Variants in DNER observed in about 807,000 individuals in gnomAD.
The protein encoded by DNER is delta and Notch-like epidermal growth factor-related receptor.
A neutral mutation model predicts 78.2 loss-of-function variants in DNER; 33 were observed. The ratio of observed to expected loss-of-function variants is 0.42; its 90% CI spans 0.32 to 0.56. DNER has a LOEUF of 0.56. Ranked by LOEUF, DNER falls within the 20% of genes least tolerant of loss-of-function variation. The pLI, the probability that DNER is intolerant of heterozygous loss-of-function variation, is 0.11. For missense variants in DNER, 918 were observed against 975.3 expected, an observed-to-expected ratio of 0.94 and a Z score of 0.78; for synonymous variants, 417 against 384.8, an observed-to-expected ratio of 1.08 and a Z score of -0.98.
chr2:229,700,974 A>C (rs147315053), intron 1 of DNER, among the ~76,000 whole-genome samples: 373 of 152,332 alleles, frequency 2.4e-3, no homozygotes, highest in Non-Finnish European at 4.2e-3. Context: ...AGGTTGAGTT[A>C]GCTTTTATAT....
At chr2:229,636,778 G>A (rs1426335375) in intron 1 of DNER, among the ~76,000 whole-genome samples, 1 of 152,074 alleles carries the variant, frequency 6.6e-6, no homozygotes, top group African/African-American at 2.4e-5. Context: ...ACATGAATGA[G>A]CTAATCAATG....
At chr2:229,563,390 CCATCATCATCATCACCCCATCGCCATCAT>C (rs1697005140) in intron 4 of DNER, among the ~76,000 whole-genome samples, 1 of 140,024 alleles carries the variant, frequency 7.1e-6, no homozygotes, top group Non-Finnish European at 1.5e-5. Context: ...CACCCCATCA[CCATCATCATCATCACCCCATCGCCATCAT>C]CATCATCATC....
At chr2:229,428,959 A>G (rs1693945203) in intron 8 of DNER, among the ~76,000 whole-genome samples, 1 of 152,164 alleles carries the variant, frequency 6.6e-6, no homozygotes, top group Admixed American at 6.5e-5. Context: ...AAAGCCAAAA[A>G]GATAAAATAG....
chr2:229,471,747 C>T (rs1184970844), intron 7 of DNER, among the ~76,000 whole-genome samples: 1 of 152,198 alleles, frequency 6.6e-6, no homozygotes, highest in East Asian at 1.9e-4. Context: ...GTGCTAAGGG[C>T]TTTCTCCAAC....
At chr2:229,529,044 C>A (rs1054836624) in intron 5 of DNER, among the ~76,000 whole-genome samples, 3 of 152,144 alleles carry the variant, frequency 2.0e-5, no homozygotes. Flanking sequence ...GATTGTTCTT[C>A]TGGTAGAAAA....
intron 2 of DNER, among the ~76,000 whole-genome samples, chr2:229,590,872 G>T (rs1365740869): frequency 6.6e-6 from 1 of 152,308 alleles, no homozygotes; most frequent in Non-Finnish European, 1.5e-5. Context: ...TTGGGCCATG[G>T]GGGCAGATCT....
At chr2:229,508,227 A>G (rs1451425703) in intron 6 of DNER, among the ~76,000 whole-genome samples, 1 of 152,344 alleles carries the variant, frequency 6.6e-6, no homozygotes, top group Non-Finnish European at 1.5e-5. Flanking sequence ...ATGTGAGTAG[A>G]TATTAGTGCA....
chr2:229,668,658 A>G (rs1273944239), intron 1 of DNER, among the ~76,000 whole-genome samples: 1 of 149,630 alleles, frequency 6.7e-6, no homozygotes, highest in East Asian at 2.0e-4. Context: ...TGCAAATCAA[A>G]ACCACAATGA....
At chr2:229,419,658 T>C (rs1693723870) in intron 8 of DNER, among the ~76,000 whole-genome samples, 1 of 152,136 alleles carries the variant, frequency 6.6e-6, no homozygotes, top group Non-Finnish European at 1.5e-5. Flanking sequence ...AAATTTAGGT[T>C]GTGATAATGG....
intron 8 of DNER, among the ~76,000 whole-genome samples, chr2:229,426,302 G>A (rs7568173): frequency 0.027 from 4,042 of 151,992 alleles, 97 homozygotes; most frequent in Middle Eastern, 0.068. Context: ...TTAGCTGGGC[G>A]TGGTGGCGGG....
At chr2:229,448,212 C>T (rs900541254) in intron 7 of DNER, among the ~76,000 whole-genome samples, 4 of 151,980 alleles carry the variant, frequency 2.6e-5, no homozygotes, top group Admixed American at 6.6e-5. Flanking sequence ...ACTGACACAT[C>T]GTATGACATG....
intron 11 of DNER, among the ~76,000 whole-genome samples, chr2:229,387,553 AAGAAAGAAAGAAAG>A (rs1385858889): frequency 2.0e-4 from 31 of 151,288 alleles, no homozygotes; most frequent in Non-Finnish European, 4.0e-4. Flanking sequence ...GAAAGAAAGA[AAGAAAGAAAGAAAG>A]AAAAGAAAGA....
intron 1 of DNER, among the ~76,000 whole-genome samples, chr2:229,617,776 A>C (rs553749093): frequency 3.9e-5 from 6 of 152,004 alleles, no homozygotes; most frequent in African/African-American, 9.7e-5. Flanking sequence ...CAACATGGCA[A>C]ACCCCATCTC....
intron 6 of DNER, among the ~76,000 whole-genome samples, chr2:229,506,933 T>C (rs944194749): frequency 6.6e-6 from 1 of 152,164 alleles, no homozygotes; most frequent in Non-Finnish European, 1.5e-5. Context: ...GGTGATTTCG[T>C]CATTATGCTA....
chr2:229,600,199 GT>G (rs199691461), intron 1 of DNER, among the ~76,000 whole-genome samples: 4,658 of 152,238 alleles, frequency 0.031, 215 homozygotes, highest in African/African-American at 0.097. Context: ...AATCTGGTTT[GT>G]TTTTTGTAAA....
intron 4 of DNER, among the ~76,000 whole-genome samples, chr2:229,548,607 A>G (rs542568586): frequency 2.0e-5 from 3 of 152,040 alleles, no homozygotes; most frequent in African/African-American, 7.2e-5. Context: ...GGGGGTGAGT[A>G]GGGGAGGGAC....
intron 5 of DNER, among the ~76,000 whole-genome samples, chr2:229,540,579 C>T (rs1696492098): frequency 6.6e-6 from 1 of 152,172 alleles, no homozygotes; most frequent in Non-Finnish European, 1.5e-5. Context: ...AAGCAATGGA[C>T]AAAGTAACTG....
At chr2:229,451,311 G>T (rs1336056005) in intron 7 of DNER, among the ~76,000 whole-genome samples, 3 of 152,142 alleles carry the variant, frequency 2.0e-5, no homozygotes, top group Admixed American at 2.0e-4. Context: ...ACAAAAATTA[G>T]CCGGGTGTGG....
chr2:229,409,699 G>A (rs11688074), intron 9 of DNER, among the ~76,000 whole-genome samples: 41,866 of 151,916 alleles, frequency 0.28, 5,985 homozygotes, highest in South Asian at 0.36. Flanking sequence ...TTCAAATGGT[G>A]AGACATTTGG....
Sources: gnomAD v4.1 joint callset for allele counts (sites outside exome capture counted in the v4.1 genomes callset) on GRCh38, gnomAD v4.1.1 for gene constraint, MANE v1.5 for transcripts, NCBI Gene and HGNC (gene_info 2026-07-23, HGNC 2026-07-21) for gene names.